The following DENND1A variants were observed in gnomAD, a reference collection of about 807,000 sequenced individuals.
DENND1A encodes the protein DENN domain containing 1A, also known as DENN domain-containing protein 1A.
A neutral mutation model predicts 113.7 loss-of-function variants in DENND1A; 51 were observed. That is an observed-to-expected ratio of 0.45 (90% CI 0.36 to 0.57). The LOEUF is 0.57. Ranked by LOEUF, DENND1A falls within the 20% of genes least tolerant of loss-of-function variation. The pLI is 0.00. For synonymous variants in DENND1A, 565 were observed against 570.8 expected (o/e 0.99, Z 0.14); for missense variants, 1,258 against 1,395.9 (o/e 0.90, Z 1.57).
At chr9:123,710,678 T>TGG (rs1554970152) in intron 5 of DENND1A, among the ~76,000 whole-genome samples, 1 of 129,120 alleles carries the variant, frequency 7.7e-6, no homozygotes, top group East Asian at 2.2e-4. Context: ...TGGAGGTTTT[T>TGG]TTTTTTTTTT....
intron 5 of DENND1A, among the ~76,000 whole-genome samples, chr9:123,748,031 T>C (rs1196269816): frequency 6.6e-6 from 1 of 152,208 alleles, no homozygotes; most frequent in Non-Finnish European, 1.5e-5. Context: ...GACAACATTA[T>C]AGCAAATGCA....
At chr9:123,667,541 C>T (rs1414977511) in intron 7 of DENND1A, among the ~76,000 whole-genome samples, 3 of 152,108 alleles carry the variant, frequency 2.0e-5, no homozygotes, top group Non-Finnish European at 2.9e-5. Flanking sequence ...CGTTTGAACC[C>T]GGGAGGTGGA....
intron 5 of DENND1A, among the ~76,000 whole-genome samples, chr9:123,745,017 C>T (rs895553484): frequency 2.4e-4 from 37 of 152,106 alleles, no homozygotes; most frequent in Admixed American, 2.4e-3. Context: ...CTCAGGTGAT[C>T]GACCCGCCTC....
At chr9:123,744,166 C>CA (rs1310250769) in intron 5 of DENND1A, among the ~76,000 whole-genome samples, 2 of 152,164 alleles carry the variant, frequency 1.3e-5, no homozygotes, top group Non-Finnish European at 2.9e-5. Flanking sequence ...TAAAAACACC[C>CA]ATGATAACAT....
chr9:123,453,632 T>A (rs1385107262), intron 16 of DENND1A, among the ~76,000 whole-genome samples: 1 of 152,150 alleles, frequency 6.6e-6, no homozygotes. Context: ...AAAAACTGAT[T>A]CGTATGGAGA....
intron 23 of DENND1A, 100 bp from the exon 24 acceptor site, chr9:123,382,725 C>T (rs571261934): frequency 8.1e-5 from 104 of 1,283,694 alleles, no homozygotes; most frequent in Non-Finnish European, 1.1e-4. Flanking sequence ...TGTGCTGGGC[C>T]TAGTTGTGTG....
intron 2 of DENND1A, among the ~76,000 whole-genome samples, chr9:123,816,814 T>C (rs905454427): frequency 6.6e-6 from 1 of 152,106 alleles, no homozygotes; most frequent in Admixed American, 6.5e-5. Context: ...ATTGAAAGGG[T>C]TAAAGGAACA....
chr9:123,514,196 T>G, intron 13 of DENND1A, among the ~76,000 whole-genome samples: 1 of 151,602 alleles, frequency 6.6e-6, no homozygotes, highest in African/African-American at 2.4e-5. Flanking sequence ...GGACCCAACA[T>G]GCTTATCAGA....
chr9:123,462,098 T>G (rs1351346368), intron 13 of DENND1A: 1 of 152,214 alleles, frequency 6.6e-6, no homozygotes, highest in East Asian at 1.9e-4. Flanking sequence ...TTAATCCTGC[T>G]GCAAGGCAGT....
At chr9:123,675,425 G>T (rs890034421) in intron 6 of DENND1A, among the ~76,000 whole-genome samples, 2 of 152,154 alleles carry the variant, frequency 1.3e-5, no homozygotes, top group Non-Finnish European at 2.9e-5. Flanking sequence ...AGATGAAAAT[G>T]AAACACAGCT....
chr9:123,828,152 A>G (rs902849379), intron 2 of DENND1A, among the ~76,000 whole-genome samples: 3 of 152,080 alleles, frequency 2.0e-5, no homozygotes, highest in African/African-American at 7.2e-5. Flanking sequence ...CGTGGAAGGG[A>G]GAGAGAGAGG....
chr9:123,622,723 T>C (rs974365744), intron 10 of DENND1A, among the ~76,000 whole-genome samples: 2 of 152,216 alleles, frequency 1.3e-5, no homozygotes, highest in African/African-American at 4.8e-5. Flanking sequence ...TTTCCTAATA[T>C]ATACAATGGA....
chr9:123,410,153 A>T (rs2044193113), intron 20 of DENND1A, among the ~76,000 whole-genome samples: 1 of 152,236 alleles, frequency 6.6e-6, no homozygotes, highest in Non-Finnish European at 1.5e-5. Context: ...GACAAATGTC[A>T]TCCACTTTCC....
At chr9:123,653,448 T>C (rs2062767253) in intron 8 of DENND1A, among the ~76,000 whole-genome samples, 1 of 152,216 alleles carries the variant, frequency 6.6e-6, no homozygotes, top group African/African-American at 2.4e-5. Flanking sequence ...CGCTTTCCCG[T>C]ACACAACACT....
intron 2 of DENND1A, among the ~76,000 whole-genome samples, chr9:123,820,082 TG>T (rs1838216283): frequency 6.6e-6 from 1 of 152,144 alleles, no homozygotes; most frequent in Non-Finnish European, 1.5e-5. Context: ...AGTGATGATC[TG>T]GGGGTAAAAG....
chr9:123,858,617 T>C (rs1844624010), intron 2 of DENND1A, among the ~76,000 whole-genome samples: 1 of 152,046 alleles, frequency 6.6e-6, no homozygotes, highest in African/African-American at 2.4e-5. Context: ...GGGAGGAGGT[T>C]AAATTCAATT....
intron 9 of DENND1A, among the ~76,000 whole-genome samples, chr9:123,640,212 T>C (rs983450294): frequency 3.3e-5 from 5 of 152,118 alleles, no homozygotes; most frequent in East Asian, 1.9e-4. Flanking sequence ...ATGAAAGAGA[T>C]GCTATAATAG....
At chr9:123,549,448 T>C (rs1347069285) in intron 13 of DENND1A, among the ~76,000 whole-genome samples, 1 of 152,126 alleles carries the variant, frequency 6.6e-6, no homozygotes, top group Non-Finnish European at 1.5e-5. Context: ...TTCTTGATTC[T>C]TTTTCCATCT....
At chr9:123,828,046 G>C (rs1419464982) in intron 2 of DENND1A, among the ~76,000 whole-genome samples, 4 of 152,012 alleles carry the variant, frequency 2.6e-5, no homozygotes, top group Non-Finnish European at 1.5e-5. Flanking sequence ...CAAAGCAATA[G>C]AAACAGACCC....
Sources: allele counts gnomAD v4.1 joint callset (sites outside exome capture counted in the v4.1 genomes callset), GRCh38; gene constraint gnomAD v4.1.1; transcripts MANE v1.5; gene names NCBI Gene and HGNC (gene_info 2026-07-23, HGNC 2026-07-21).